The following ADGRA3 variants were observed in gnomAD, a reference collection of about 807,000 sequenced individuals.
The protein encoded by ADGRA3 is adhesion G protein-coupled receptor A3, also known as G-protein coupled receptor 125.
Under a neutral mutation model 119.8 loss-of-function variants are expected in ADGRA3, and 56 were observed. The observed-to-expected ratio is 0.47, with a 90% CI of 0.38 to 0.58. The LOEUF (loss-of-function observed/expected upper bound fraction) is 0.58, where lower values mean the gene tolerates loss of function less well. Ranked by LOEUF, ADGRA3 falls within the 20% of genes least tolerant of loss-of-function variation. The pLI is 0.00. For synonymous variants in ADGRA3, 607 were observed against 623.8 expected (o/e 0.97, Z 0.40); for missense variants, 1,516 against 1,649.0 (o/e 0.92, Z 1.40).
chr4:22,464,166 A>C (rs1160740249), intron 2 of ADGRA3, among the ~76,000 whole-genome samples: 1 of 152,212 alleles, frequency 6.6e-6, no homozygotes, highest in Non-Finnish European at 1.5e-5. Context: ...ATTAAACACC[A>C]GTATAAAATC....
chr4:22,461,089 T>C (rs2109101149), intron 3 of ADGRA3, among the ~76,000 whole-genome samples: 1 of 152,344 alleles, frequency 6.6e-6, no homozygotes, highest in Middle Eastern at 3.4e-3. Flanking sequence ...AGACTTTAAA[T>C]CATTACTTAA....
intron 4 of ADGRA3, among the ~76,000 whole-genome samples, chr4:22,454,043 T>C (rs1403836888): frequency 6.6e-6 from 1 of 152,054 alleles, no homozygotes; most frequent in Non-Finnish European, 1.5e-5. Context: ...GTATTTTTAG[T>C]AGAGATGGGG....
chr4:22,402,874 G>A (rs1020067938), intron 14 of ADGRA3, 75 bp from the exon 15 acceptor site: 22 of 1,402,860 alleles, frequency 1.6e-5, no homozygotes, highest in African/African-American at 4.4e-5. Context: ...TTTGAGTGAC[G>A]AAAACACATC....
At chr4:22,475,470 C>T (rs1163262078) in intron 1 of ADGRA3, among the ~76,000 whole-genome samples, 1 of 152,062 alleles carries the variant, frequency 6.6e-6, no homozygotes, top group Non-Finnish European at 1.5e-5. Context: ...CGGCGGCTCA[C>T]GGTTCCCAGC....
intron 8 of ADGRA3, 54 bp downstream of exon 8, chr4:22,438,202 A>C: frequency 6.7e-7 from 1 of 1,489,398 alleles, no homozygotes; most frequent in African/African-American, 1.4e-5. Context: ...GTCTTAGACA[A>C]CAGAAGGATC....
At chr4:22,481,294 T>C (rs1041501880) in intron 1 of ADGRA3, among the ~76,000 whole-genome samples, 1 of 152,148 alleles carries the variant, frequency 6.6e-6, no homozygotes, top group African/African-American at 2.4e-5. Flanking sequence ...TCAGGAATGT[T>C]AACTCCTCAA....
At chr4:22,492,190 AGG>A (rs1718646484) in intron 1 of ADGRA3, among the ~76,000 whole-genome samples, 1 of 152,180 alleles carries the variant, frequency 6.6e-6, no homozygotes, top group South Asian at 2.1e-4. Context: ...AAGCACATCA[AGG>A]GAGAAAGTCC....
intron 1 of ADGRA3, among the ~76,000 whole-genome samples, chr4:22,509,273 C>A (rs192573982): frequency 2.6e-5 from 4 of 151,862 alleles, no homozygotes; most frequent in African/African-American, 7.3e-5. Context: ...GAGGCCGAGG[C>A]GGGCAGATCA....
chr4:22,484,014 C>A (rs1223909753), intron 1 of ADGRA3, among the ~76,000 whole-genome samples: 1 of 151,874 alleles, frequency 6.6e-6, no homozygotes, highest in South Asian at 2.1e-4. Flanking sequence ...AAATGAACCC[C>A]AAGTAAAAAA....
At chr4:22,396,722 A>G (rs1307669064) in intron 16 of ADGRA3, among the ~76,000 whole-genome samples, 1 of 151,646 alleles carries the variant, frequency 6.6e-6, no homozygotes, top group Non-Finnish European at 1.5e-5. Flanking sequence ...AAAGGGAAAC[A>G]CATTATAAAC....
At chr4:22,485,112 C>T (rs1378858891) in intron 1 of ADGRA3, among the ~76,000 whole-genome samples, 1 of 152,148 alleles carries the variant, frequency 6.6e-6, no homozygotes, top group African/African-American at 2.4e-5. Flanking sequence ...GACAGGGTCT[C>T]GCTCTGTCAC....
At chr4:22,512,501 G>T (rs909714348) in intron 1 of ADGRA3, among the ~76,000 whole-genome samples, 1 of 152,094 alleles carries the variant, frequency 6.6e-6, no homozygotes, top group African/African-American at 2.4e-5. Flanking sequence ...TTGTAAACAG[G>T]GTCTTTGCAG....
intron 1 of ADGRA3, among the ~76,000 whole-genome samples, chr4:22,476,421 T>G (rs1718046605): frequency 6.6e-6 from 1 of 152,102 alleles, no homozygotes; most frequent in South Asian, 2.1e-4. Flanking sequence ...TTAAACAAAT[T>G]ATAATACATC....
intron 10 of ADGRA3, among the ~76,000 whole-genome samples, chr4:22,427,828 A>T (rs1716003737): frequency 6.6e-6 from 1 of 152,196 alleles, no homozygotes; most frequent in Non-Finnish European, 1.5e-5. Context: ...CATTCCCCGA[A>T]GGCCACTCCA....
At chr4:22,441,931 T>C (rs1257739700) in intron 7 of ADGRA3, among the ~76,000 whole-genome samples, 1 of 152,186 alleles carries the variant, frequency 6.6e-6, no homozygotes, top group Non-Finnish European at 1.5e-5. Flanking sequence ...AGTTTTTCAG[T>C]AATCTTTCAT....
chr4:22,413,104 AAAC>A, intron 14 of ADGRA3, 75 bp downstream of exon 14: 3 of 1,140,770 alleles, frequency 2.6e-6, no homozygotes, highest in Non-Finnish European at 3.8e-6. Flanking sequence ...AAAAACAAAA[AAAC>A]ACTTCATTTG....
intron 1 of ADGRA3, among the ~76,000 whole-genome samples, chr4:22,507,889 C>T (rs1211423628): frequency 6.6e-6 from 1 of 152,172 alleles, no homozygotes. Context: ...TGAATATACC[C>T]ATCCTTGAAT....
At position 22,445,107 on chromosome 4, in the gene ADGRA3, C is replaced by A. The variant is rs546772345; in HGVS notation, c.572G>T (p.Cys191Phe). Residue 191 changes from cysteine to phenylalanine, a missense_variant, in exon 6 of 19, where the codon TGT becomes TTT. Coordinates refer to ENST00000334304, the MANE Select transcript of ADGRA3 (RefSeq NM_145290.4). ...ATGCATCCACAGTATGTTACAGTCA[C>A]ACAAAAGATACTCAGTCTGGAATTC... ...SLEFQTEYLL[C>F]DCNILWMHRW... 6.2e-7 allele frequency: 1 copy of A among 1,613,874 alleles called. No homozygotes were observed. The highest frequency in any genetic ancestry group is 8.5e-7 in the Non-Finnish European group (1 of 1,179,818).
At chr4:22,419,453 T>A (rs147921131) in intron 12 of ADGRA3, among the ~76,000 whole-genome samples, 93 of 152,264 alleles carry the variant, frequency 6.1e-4, no homozygotes, top group African/African-American at 2.1e-3. Context: ...TGAATAATAG[T>A]GTAATGTGTC....
Sources: gnomAD v4.1 joint callset for allele counts (sites outside exome capture counted in the v4.1 genomes callset) on GRCh38, gnomAD v4.1.1 for gene constraint, MANE v1.5 for transcripts, NCBI Gene and HGNC (gene_info 2026-07-23, HGNC 2026-07-21) for gene names.